The following SLC35F1 variants were observed in gnomAD, a reference collection of about 807,000 sequenced individuals.
SLC35F1 encodes chromosome 6 open reading frame 169.
Under a neutral mutation model 48.7 loss-of-function variants are expected in SLC35F1, and 14 were observed. The ratio of observed to expected loss-of-function variants is 0.29; its 90% confidence interval spans 0.19 to 0.45. The LOEUF is 0.45. SLC35F1 is among the 20% of genes least tolerant of loss of function. The pLI is 1.00. For synonymous variants in SLC35F1, 190 were observed against 202.2 expected, an observed-to-expected ratio of 0.94 and a Z score of 0.51; for missense variants, 404 against 500.0, an observed-to-expected ratio of 0.81 and a Z score of 1.83.
At chr6:118,156,560 A>G (rs1428165709) in intron 2 of SLC35F1, among the ~76,000 whole-genome samples, 2 of 152,094 alleles carry the variant, frequency 1.3e-5, no homozygotes, top group African/African-American at 4.8e-5. Context: ...GCATTAGGGA[A>G]AATATCTAAT....
At chr6:118,194,914 T>C (rs1371464617) in intron 2 of SLC35F1, among the ~76,000 whole-genome samples, 2 of 152,132 alleles carry the variant, frequency 1.3e-5, no homozygotes, top group Non-Finnish European at 2.9e-5. Context: ...CCTCTCTGTT[T>C]CATGGAACCC....
At chr6:118,037,866 T>G in intron 1 of SLC35F1, among the ~76,000 whole-genome samples, 1 of 148,960 alleles carries the variant, frequency 6.7e-6, no homozygotes. Context: ...CTGGGGCCTG[T>G]TGGGGGGTGG....
At chr6:117,928,838 G>A (rs890529068) in intron 1 of SLC35F1, among the ~76,000 whole-genome samples, 2 of 152,134 alleles carry the variant, frequency 1.3e-5, no homozygotes, top group African/African-American at 4.8e-5. Flanking sequence ...AAAGGGGTTG[G>A]AGAACAGCTA....
At chr6:118,281,533 G>A (rs1775984944) in intron 6 of SLC35F1, among the ~76,000 whole-genome samples, 1 of 152,118 alleles carries the variant, frequency 6.6e-6, no homozygotes, top group Non-Finnish European at 1.5e-5. Context: ...GTGGGAGAAA[G>A]AAAGAAAGAA....
intron 1 of SLC35F1, among the ~76,000 whole-genome samples, chr6:117,966,145 TC>T (rs1776565166): frequency 7.8e-5 from 4 of 51,544 alleles, no homozygotes; most frequent in Non-Finnish European, 1.7e-4. Flanking sequence ...CCCCCCCCAC[TC>T]CCGCCCCGCC....
At chr6:118,100,541 C>A (rs1418405850) in intron 1 of SLC35F1, among the ~76,000 whole-genome samples, 1 of 152,156 alleles carries the variant, frequency 6.6e-6, no homozygotes, top group East Asian at 1.9e-4. Flanking sequence ...AAAGTATCAA[C>A]ATTAGAACCA....
chr6:118,293,648 C>A (rs1407263619), intron 7 of SLC35F1, among the ~76,000 whole-genome samples: 3 of 152,312 alleles, frequency 2.0e-5, no homozygotes, highest in African/African-American at 7.2e-5. Context: ...TACGAGTATA[C>A]TGACTAGAAG....
At chr6:118,015,588 T>A (rs1161227674) in intron 1 of SLC35F1, among the ~76,000 whole-genome samples, 1 of 152,008 alleles carries the variant, frequency 6.6e-6, no homozygotes, top group Non-Finnish European at 1.5e-5. Flanking sequence ...GGCCTCCAGC[T>A]CCATCCATGT....
At position 118,085,487 on chromosome 6, in the gene SLC35F1, C is replaced by CTTTTTTTTTTTTTTTTTTTTTTTTTTT. The variant is rs59548308; in HGVS notation, c.174-68956_174-68930dup. Among the ~76,000 whole-genome samples, 4 of 56,956 alleles carry CTTTTTTTTTTTTTTTTTTTTTTTTTTT rather than the reference C, an allele frequency of 7.0e-5. 1 individual carries two copies. The highest frequency in any genetic ancestry group is 2.9e-4 in the African/African-American group (4 of 13,566). 37.4% of individuals were successfully genotyped at this position (56,956 alleles called of 152,430 possible). A position where few individuals can be genotyped will look rare whatever the true frequency, so the allele number is the denominator to read the frequency against. Reference sequence around the variant, plus strand: ...TTTTCTCTTTTTTTTTCTTTCTTTCCTTTTTTTTTTTTTTTTTTTTTTTTT... The same window carrying CTTTTTTTTTTTTTTTTTTTTTTTTTTT: ...TTTTCTCTTTTTTTTTCTTTCTTTCCTTTTTTTTTTTTTTTTTTTTTTTTTTTTTTTTTTTTTTTTTTTTTTTTTTTT... On this transcript the variant is annotated intron_variant, in intron 1 of 7. Transcript: ENST00000360388.
rs73525887 is a variant in SLC35F1, at chr6:118,239,190, G to A, written c.477+3554G>A. Among the ~76,000 whole-genome samples the A allele has an allele frequency of 9.2e-3, 1,389 of 150,224 alleles. 23 individuals are homozygous for A. The highest frequency in any genetic ancestry group is 0.033 in the African/African-American group (1,324 of 40,660). ...TGTGAGCTCTTTCATAGCAAGGATA[G>A]TCTCTTGTTCACCATTGAATCTCTA... On this transcript the variant is annotated intron_variant, in intron 3 of 7. Coordinates refer to ENST00000360388, the MANE Select transcript of SLC35F1 (RefSeq NM_001029858.4).
chr6:118,069,168 C>T (rs1772662728), intron 1 of SLC35F1, among the ~76,000 whole-genome samples: 2 of 152,090 alleles, frequency 1.3e-5, no homozygotes, highest in African/African-American at 2.4e-5. Context: ...TCATTTAATG[C>T]TTGCAGATAT....
chr6:118,124,911 G>A (rs892558474), intron 1 of SLC35F1, among the ~76,000 whole-genome samples: 5 of 152,050 alleles, frequency 3.3e-5, no homozygotes, highest in Non-Finnish European at 7.4e-5. Flanking sequence ...TCTTCACAAC[G>A]TGCAAAATAG....
At chr6:118,284,914 C>T (rs1319526751) in intron 6 of SLC35F1, among the ~76,000 whole-genome samples, 1 of 149,678 alleles carries the variant, frequency 6.7e-6, no homozygotes, top group African/African-American at 2.6e-5. Context: ...TTCTGACTAT[C>T]GCCACTAAGA....
intron 1 of SLC35F1, among the ~76,000 whole-genome samples, chr6:117,966,196 C>G (rs113900804): frequency 0.033 from 4,814 of 144,756 alleles, 295 homozygotes; most frequent in African/African-American, 0.12. Context: ...CCTGTCCATG[C>G]TGTGGAAGCT....
At chr6:117,975,923 G>A (rs1056469922) in intron 1 of SLC35F1, among the ~76,000 whole-genome samples, 3 of 152,262 alleles carry the variant, frequency 2.0e-5, no homozygotes, top group Non-Finnish European at 2.9e-5. Context: ...CATCGTACTC[G>A]CCAAAAGGTA....
In SLC35F1 at chr6:118,000,911, C is replaced by G. The variant is rs1254848455; in HGVS notation, c.173+93012C>G. ...TTACAGGGGACATGAATGACCTCTT[C>G]AAGGAGAACTACAAACCACTGCTCA... On this transcript the variant is annotated intron_variant, in intron 1 of 7. Coordinates refer to ENST00000360388, the MANE Select transcript of SLC35F1 (RefSeq NM_001029858.4). Among the ~76,000 whole-genome samples, 4 of 152,180 alleles carry G rather than the reference C, an allele frequency of 2.6e-5. No homozygotes were observed. In the South Asian group the frequency reaches 8.3e-4, roughly 32 times the overall value.
chr6:118,101,687 A>G (rs1338213663), intron 1 of SLC35F1, among the ~76,000 whole-genome samples: 1 of 152,182 alleles, frequency 6.6e-6, no homozygotes, highest in African/African-American at 2.4e-5. Flanking sequence ...GTCTTTCCAA[A>G]TAAGAGCAAG....
At chr6:117,999,319 G>A (rs1336117466) in intron 1 of SLC35F1, 3 of 1,595,860 alleles carry the variant, frequency 1.9e-6, no homozygotes, top group East Asian at 2.2e-5. Context: ...TTGCCAAGGG[G>A]CTCAGGCTGT....
At chr6:118,073,649 ATTTATAAGTGAAAT>A (rs2114304782) in intron 1 of SLC35F1, among the ~76,000 whole-genome samples, 1 of 152,318 alleles carries the variant, frequency 6.6e-6, no homozygotes, top group South Asian at 2.1e-4. Flanking sequence ...TCAAAATGAG[ATTTATAAGTGAAAT>A]TTTATGTAAC....
Sources: gnomAD v4.1 joint callset for allele counts (sites outside exome capture counted in the v4.1 genomes callset) on GRCh38, gnomAD v4.1.1 for gene constraint, MANE v1.5 for transcripts, NCBI Gene and HGNC (gene_info 2026-07-23, HGNC 2026-07-21) for gene names.